Variants in CSNK2A2IP observed in about 807,000 individuals in gnomAD.
The protein encoded by CSNK2A2IP is casein kinase II subunit alpha'-interacting protein.
At chr3:88,413,759 A>G in the CSNK2A2IP span, among the ~76,000 whole-genome samples, 1 of 152,006 alleles carries the variant, frequency 6.6e-6, no homozygotes, top group South Asian at 2.1e-4. Context: ...AAACATGCAT[A>G]GGTATTTTTA....
the CSNK2A2IP span, among the ~76,000 whole-genome samples, chr3:88,434,512 A>G: frequency 1.3e-5 from 2 of 152,152 alleles, no homozygotes; most frequent in African/African-American, 2.4e-5. Flanking sequence ...AAACTTAGCT[A>G]GAAAACAAAA....
At chr3:88,454,779 T>C in the CSNK2A2IP span, among the ~76,000 whole-genome samples, 9,406 of 151,970 alleles carry the variant, frequency 0.062, 477 homozygotes, top group East Asian at 0.21. Context: ...TAGTTACCAT[T>C]ATTTTGTGTG....
chr3:88,387,285 C>T, the CSNK2A2IP span, among the ~76,000 whole-genome samples: 32 of 152,122 alleles, frequency 2.1e-4, 1 homozygote, highest in South Asian at 6.0e-3. Context: ...CCTCAGCCCC[C>T]CGAGTAGCTA....
the CSNK2A2IP span, among the ~76,000 whole-genome samples, chr3:88,423,372 T>G: frequency 0.31 from 47,192 of 151,936 alleles, 7,548 homozygotes; most frequent in African/African-American, 0.35. Context: ...ACTTTTTTTT[T>G]CTCCCTTCTG....
the CSNK2A2IP span, among the ~76,000 whole-genome samples, chr3:88,434,645 C>T: frequency 6.6e-6 from 1 of 152,052 alleles, no homozygotes; most frequent in Non-Finnish European, 1.5e-5. Context: ...CTATGAAAAC[C>T]AGTTGTAATG....
the CSNK2A2IP span, among the ~76,000 whole-genome samples, chr3:88,374,921 A>G: frequency 6.6e-6 from 1 of 151,738 alleles, no homozygotes; most frequent in African/African-American, 2.4e-5. Context: ...AAGATACGAG[A>G]AGAAAAAGAC....
At chr3:88,420,006 C>T in the CSNK2A2IP span, among the ~76,000 whole-genome samples, 1 of 152,094 alleles carries the variant, frequency 6.6e-6, no homozygotes, top group Non-Finnish European at 1.5e-5. Context: ...CATAGAATCA[C>T]CTGGGAAGAT....
At chr3:88,445,372 C>G in the CSNK2A2IP span, among the ~76,000 whole-genome samples, 5 of 149,376 alleles carry the variant, frequency 3.3e-5, no homozygotes, top group African/African-American at 1.2e-4. Context: ...ATTGCTTGAG[C>G]TCGGGAGGCA....
At chr3:88,343,686 C>G in the CSNK2A2IP span, among the ~76,000 whole-genome samples, 4 of 151,826 alleles carry the variant, frequency 2.6e-5, no homozygotes, top group African/African-American at 9.7e-5. Flanking sequence ...GATCAAAGGG[C>G]TATTGCACAT....
the CSNK2A2IP span, among the ~76,000 whole-genome samples, chr3:88,372,393 C>G: frequency 1.3e-5 from 2 of 151,232 alleles, no homozygotes; most frequent in Non-Finnish European, 3.0e-5. Context: ...TACAAGCTTC[C>G]TATATATCAC....
At chr3:88,376,839 G>A in the CSNK2A2IP span, among the ~76,000 whole-genome samples, 1 of 151,604 alleles carries the variant, frequency 6.6e-6, no homozygotes, top group East Asian at 1.9e-4. Flanking sequence ...TAAACCCAAT[G>A]ACTTTTCTGA....
At chr3:88,372,582 G>A in the CSNK2A2IP span, among the ~76,000 whole-genome samples, 3 of 151,192 alleles carry the variant, frequency 2.0e-5, no homozygotes, top group Non-Finnish European at 4.4e-5. Context: ...ATACAAGTGA[G>A]GCAAGCAAAT....
chr3:88,364,684 C>T, the CSNK2A2IP span, among the ~76,000 whole-genome samples: 1 of 152,032 alleles, frequency 6.6e-6, no homozygotes, highest in Non-Finnish European at 1.5e-5. Flanking sequence ...TATTTTAAGG[C>T]CTGAAATTAA....
the CSNK2A2IP span, chr3:88,466,251 A>C: frequency 2.4e-6 from 3 of 1,231,740 alleles, no homozygotes; most frequent in Admixed American, 4.2e-5. Flanking sequence ...TGTCCCATTC[A>C]AAAGCAAGGC....
the CSNK2A2IP span, among the ~76,000 whole-genome samples, chr3:88,463,474 C>A: frequency 6.6e-6 from 1 of 152,080 alleles, no homozygotes; most frequent in Non-Finnish European, 1.5e-5. Context: ...GTAAACATCG[C>A]CCACTTTTTG....
At chr3:88,384,157 C>T in the CSNK2A2IP span, among the ~76,000 whole-genome samples, 1 of 151,970 alleles carries the variant, frequency 6.6e-6, no homozygotes, top group East Asian at 1.9e-4. Context: ...ATAGATAAGT[C>T]CCTGCCCCCA....
At chr3:88,425,978 A>T in the CSNK2A2IP span, among the ~76,000 whole-genome samples, 1 of 152,212 alleles carries the variant, frequency 6.6e-6, no homozygotes, top group South Asian at 2.1e-4. Context: ...TTCTACATAC[A>T]TAATTTGTGG....
At chr3:88,449,764 CACGATTGTGA>C in the CSNK2A2IP span, among the ~76,000 whole-genome samples, 1 of 133,266 alleles carries the variant, frequency 7.5e-6, no homozygotes. Context: ...TTTTTCTCTT[CACGATTGTGA>C]AGAGAAAAAA....
chr3:88,355,160 C>T, the CSNK2A2IP span, among the ~76,000 whole-genome samples: 4 of 151,998 alleles, frequency 2.6e-5, no homozygotes, highest in Non-Finnish European at 5.9e-5. Context: ...GAACTTAAGA[C>T]TGGTGGAAGT....
Sources: gnomAD v4.1 joint callset for allele counts (sites outside exome capture counted in the v4.1 genomes callset) on GRCh38, gnomAD v4.1.1 for gene constraint, MANE v1.5 for transcripts, NCBI Gene and HGNC (gene_info 2026-07-23, HGNC 2026-07-21) for gene names.